The following TMED3 variants were observed in gnomAD, a reference collection of about 807,000 sequenced individuals.
The protein encoded by TMED3 is transmembrane emp24 domain-containing protein 3.
In TMED3, 9 loss-of-function variants were observed where a neutral mutation model predicts 15.0. The observed-to-expected ratio is 0.60, with a 90% confidence interval of 0.36 to 1.04. The LOEUF (loss-of-function observed/expected upper bound fraction) is 1.04. TMED3 is among the 50% of genes least tolerant of loss of function. The probability of loss-of-function intolerance (pLI) is 0.01; values close to 1 mark genes in which losing one functional copy is unlikely to be tolerated. For synonymous variants in TMED3, 117 were observed against 121.4 expected, an observed-to-expected ratio of 0.96 and a Z score of 0.24; for missense variants, 267 against 278.9, an observed-to-expected ratio of 0.96 and a Z score of 0.30.
intron 2 of TMED3, among the ~76,000 whole-genome samples, chr15:79,402,109 G>A (rs911547379): frequency 2.6e-5 from 4 of 152,188 alleles, no homozygotes; most frequent in African/African-American, 9.7e-5. Context: ...CGTGCAGGGT[G>A]AAGAAGGAAA....
At chr15:79,396,173 C>T (rs1038668164) in intron 2 of TMED3, among the ~76,000 whole-genome samples, 1 of 152,224 alleles carries the variant, frequency 6.6e-6, no homozygotes, top group Non-Finnish European at 1.5e-5. Context: ...CTGGTTCCAT[C>T]AGTTCTACTC....
downstream of TMED3, chr15:79,323,004 G>A (rs1012835143): frequency 6.0e-6 from 4 of 665,524 alleles, no homozygotes; most frequent in African/African-American, 7.9e-5. Flanking sequence ...CTCCTCCCAG[G>A]TGACTGAAAA....
intron 2 of TMED3, among the ~76,000 whole-genome samples, chr15:79,341,195 C>CAAA (rs58885572): frequency 0.29 from 16,623 of 57,528 alleles, 3,929 homozygotes; most frequent in Middle Eastern, 0.54. Context: ...GACCCTGTCT[C>CAAA]AAAAAAAAAA....
At chr15:79,325,114 A>G (rs914971229), downstream of TMED3, among the ~76,000 whole-genome samples, 1 of 152,222 alleles carries the variant, frequency 6.6e-6, no homozygotes, top group Non-Finnish European at 1.5e-5. Context: ...CAGGGAAAAG[A>G]CATAGGACCT....
At chr15:79,382,892 C>A (rs1893559995) in intron 2 of TMED3, 1 of 1,373,460 alleles carries the variant, frequency 7.3e-7, no homozygotes, top group Non-Finnish European at 1.0e-6. Context: ...ATTGTTCTTA[C>A]CAACACAATA....
At chr15:79,377,293 TGTGTGA>T (rs955478576) in intron 2 of TMED3, among the ~76,000 whole-genome samples, 20 of 149,176 alleles carry the variant, frequency 1.3e-4, no homozygotes, top group South Asian at 4.2e-4. Context: ...TGTGTGTGTG[TGTGTGA>T]GAGAGAGAGA....
chr15:79,359,623 GA>G (rs1181651577), intron 2 of TMED3, among the ~76,000 whole-genome samples: 2 of 152,164 alleles, frequency 1.3e-5, no homozygotes, highest in Admixed American at 6.5e-5. Context: ...GGGAAAAAAA[GA>G]GGAATAAACA....
intron 2 of TMED3, among the ~76,000 whole-genome samples, chr15:79,351,087 T>C (rs2058889553): frequency 6.6e-6 from 1 of 152,248 alleles, no homozygotes. Context: ...TCAATGTTAC[T>C]GTATTTATTG....
At chr15:79,410,775 T>C (rs1893968452) in intron 2 of TMED3, among the ~76,000 whole-genome samples, 2 of 152,018 alleles carry the variant, frequency 1.3e-5, no homozygotes, top group African/African-American at 4.8e-5. Flanking sequence ...AATAAAATTA[T>C]GAAAGTTGGC....
intron 2 of TMED3, among the ~76,000 whole-genome samples, chr15:79,347,237 A>G (rs540267467): frequency 1.3e-5 from 2 of 152,364 alleles, no homozygotes; most frequent in East Asian, 1.9e-4. Flanking sequence ...ATGCAAATCA[A>G]TAAACATGAT....
chr15:79,339,526 A>G (rs1210109644), intron 2 of TMED3, among the ~76,000 whole-genome samples: 1 of 152,216 alleles, frequency 6.6e-6, no homozygotes. Context: ...TGTTGATTCT[A>G]TTAACTTCCA....
intron 2 of TMED3, among the ~76,000 whole-genome samples, chr15:79,405,111 C>T (rs1893886796): frequency 6.6e-6 from 1 of 152,192 alleles, no homozygotes; most frequent in Non-Finnish European, 1.5e-5. Context: ...AATATCAGTT[C>T]ATAATACTCA....
intron 2 of TMED3, among the ~76,000 whole-genome samples, chr15:79,359,100 G>C (rs1474901320): frequency 1.3e-5 from 2 of 152,190 alleles, no homozygotes; most frequent in Non-Finnish European, 2.9e-5. Context: ...TCTGCCCACG[G>C]GGGAAGACAA....
intron 2 of TMED3, among the ~76,000 whole-genome samples, chr15:79,362,397 G>T (rs1165012774): frequency 6.6e-6 from 1 of 151,948 alleles, no homozygotes; most frequent in Admixed American, 6.6e-5. Context: ...GAGGTGGTAG[G>T]ATTTCTTGAG....
At chr15:79,324,192 C>T (rs543438253), downstream of TMED3, among the ~76,000 whole-genome samples, 27 of 152,240 alleles carry the variant, frequency 1.8e-4, no homozygotes, top group African/African-American at 5.5e-4. Context: ...GGGGTTTCAC[C>T]GTGTTAGCCA....
At chr15:79,313,510 G>A (rs1263700573) in intron 1 of TMED3, among the ~76,000 whole-genome samples, 2 of 152,196 alleles carry the variant, frequency 1.3e-5, no homozygotes, top group African/African-American at 4.8e-5. Flanking sequence ...ACCCTGCAGA[G>A]CAAACTTGGG....
At chr15:79,407,978 C>G (rs551617876) in intron 2 of TMED3, among the ~76,000 whole-genome samples, 7 of 152,136 alleles carry the variant, frequency 4.6e-5, no homozygotes, top group Non-Finnish European at 7.3e-5. Flanking sequence ...TGAGATTTTG[C>G]GCAAGTCATT....
chr15:79,330,121 C>T (rs1471353131), intron 2 of TMED3, among the ~76,000 whole-genome samples: 1 of 152,144 alleles, frequency 6.6e-6, no homozygotes, highest in African/African-American at 2.4e-5. Context: ...CGCTTTTTCT[C>T]TAAGAACTGG....
chr15:79,338,864 G>GT (rs201458272), intron 2 of TMED3, among the ~76,000 whole-genome samples: 2,574 of 152,214 alleles, frequency 0.017, 31 homozygotes, highest in Non-Finnish European at 0.027. Context: ...TAGCGGTAGC[G>GT]TAAGTGTCAA....
Sources: gnomAD v4.1 joint callset for allele counts (sites outside exome capture counted in the v4.1 genomes callset) on GRCh38, gnomAD v4.1.1 for gene constraint, MANE v1.5 for transcripts, NCBI Gene and HGNC (gene_info 2026-07-23, HGNC 2026-07-21) for gene names.